Variants in GUCY1A2 observed in about 807,000 individuals in gnomAD.
The protein encoded by GUCY1A2 is guanylate cyclase soluble subunit alpha-2.
GUCY1A2 carries 27 observed loss-of-function variants against 63.5 expected under a neutral mutation model. The ratio of observed to expected loss-of-function variants is 0.43; its 90% CI spans 0.31 to 0.59. GUCY1A2 has a LOEUF of 0.59. Ranked by LOEUF, GUCY1A2 falls within the 20% of genes least tolerant of loss-of-function variation. The pLI, the probability that GUCY1A2 is intolerant of heterozygous loss-of-function variation, is 0.11. For missense variants in GUCY1A2, 768 were observed against 913.3 expected (o/e 0.84, Z 2.05); for synonymous variants, 364 against 343.5 (o/e 1.06, Z -0.66).
In GUCY1A2 at chr11:106,742,327, C is replaced by T. The variant is rs540824502; in HGVS notation, c.1837-33661G>A. Among the ~76,000 whole-genome samples the T allele has an allele frequency of 3.0e-4, 45 of 152,304 alleles. No individual in the cohort carries two copies. The South Asian group carries it at 9.1e-3, about 31-fold the overall frequency. ...TATCTATTAGCTATTCTTCCTGATGCTCTCCCTCATTCCACTCACTACCCA... is the reference window on the plus strand; with the variant it reads ...TATCTATTAGCTATTCTTCCTGATGTTCTCCCTCATTCCACTCACTACCCA... On this transcript the variant is annotated intron_variant, in intron 6 of 7. Transcript: ENST00000526355.
intron 6 of GUCY1A2, among the ~76,000 whole-genome samples, chr11:106,754,646 G>C (rs1195582562): frequency 6.6e-6 from 1 of 152,208 alleles, no homozygotes; most frequent in Non-Finnish European, 1.5e-5. Context: ...CTGTTTTTGT[G>C]ATGGATTACA....
At chr11:106,926,660 T>C (rs1860527250) in intron 4 of GUCY1A2, among the ~76,000 whole-genome samples, 1 of 151,852 alleles carries the variant, frequency 6.6e-6, no homozygotes, top group Non-Finnish European at 1.5e-5. Context: ...ATTTTTTAAA[T>C]TAATTAATTT....
chr11:106,905,609 G>A (rs1443971915), intron 4 of GUCY1A2, among the ~76,000 whole-genome samples: 4 of 152,080 alleles, frequency 2.6e-5, no homozygotes, highest in Non-Finnish European at 5.9e-5. Flanking sequence ...TGACAGAAAA[G>A]AAGCCCAAAT....
intron 4 of GUCY1A2, among the ~76,000 whole-genome samples, chr11:106,916,342 T>C (rs1385304132): frequency 6.2e-5 from 9 of 145,644 alleles, no homozygotes; most frequent in African/African-American, 2.2e-4. Flanking sequence ...TCTATATATG[T>C]AAAACAAATG....
chr11:106,697,385 G>A (rs1433553118), intron 7 of GUCY1A2, among the ~76,000 whole-genome samples: 3 of 152,162 alleles, frequency 2.0e-5, no homozygotes, highest in African/African-American at 7.2e-5. Context: ...GCCCAGTTAA[G>A]ACTGGTTTCA....
At chr11:106,827,784 T>C (rs752731136) in intron 4 of GUCY1A2, 13 of 1,553,430 alleles carry the variant, frequency 8.4e-6, no homozygotes, top group Non-Finnish European at 1.2e-5. Context: ...GAGAATATCT[T>C]CTGATGGAAA....
At chr11:106,716,097 A>G (rs899869828) in intron 6 of GUCY1A2, among the ~76,000 whole-genome samples, 2 of 152,170 alleles carry the variant, frequency 1.3e-5, no homozygotes, top group Non-Finnish European at 2.9e-5. Flanking sequence ...AGTGAAAATA[A>G]TGTTCAAAGA....
intron 6 of GUCY1A2, among the ~76,000 whole-genome samples, chr11:106,744,057 T>A (rs1391987909): frequency 2.0e-5 from 3 of 152,128 alleles, no homozygotes; most frequent in African/African-American, 4.8e-5. Flanking sequence ...ATAACATACA[T>A]CATTATTAAA....
chr11:106,723,314 T>A (rs151272112), intron 6 of GUCY1A2, among the ~76,000 whole-genome samples: 1 of 152,350 alleles, frequency 6.6e-6, no homozygotes, highest in Non-Finnish European at 1.5e-5. Context: ...AAGCCTTTCA[T>A]CAGGAACTTA....
At chr11:106,738,153 T>C (rs942286513) in intron 6 of GUCY1A2, among the ~76,000 whole-genome samples, 3 of 152,242 alleles carry the variant, frequency 2.0e-5, no homozygotes, top group Admixed American at 2.0e-4. Flanking sequence ...CCAGTGATGA[T>C]GAGCTTTTTT....
chr11:106,770,753 ATG>A (rs1309337013), intron 6 of GUCY1A2, among the ~76,000 whole-genome samples: 1 of 151,542 alleles, frequency 6.6e-6, no homozygotes, highest in African/African-American at 2.4e-5. Flanking sequence ...CTGTAATTTA[ATG>A]TGTTACAATA....
At chr11:106,754,495 T>A (rs1427864504) in intron 6 of GUCY1A2, among the ~76,000 whole-genome samples, 1 of 152,212 alleles carries the variant, frequency 6.6e-6, no homozygotes, top group Non-Finnish European at 1.5e-5. Context: ...TGTGGGTCTG[T>A]CATAAATAGC....
chr11:106,899,844 G>C (rs1348532690), intron 4 of GUCY1A2, among the ~76,000 whole-genome samples: 1 of 152,022 alleles, frequency 6.6e-6, no homozygotes, highest in Non-Finnish European at 1.5e-5. Context: ...CAGCACTTTG[G>C]GAGGCCGAGG....
At chr11:106,740,648 C>CTGTATGTATGTATGTATGTATGTA (rs6144494) in intron 6 of GUCY1A2, among the ~76,000 whole-genome samples, 340 of 148,858 alleles carry the variant, frequency 2.3e-3, no homozygotes, top group East Asian at 6.2e-3. Flanking sequence ...GACCATATCA[C>CTGTATGTATGTATGTATGTATGTA]TGTATGTATG....
intron 1 of GUCY1A2, among the ~76,000 whole-genome samples, chr11:107,008,547 A>G (rs1861702993): frequency 6.6e-6 from 1 of 152,228 alleles, no homozygotes; most frequent in South Asian, 2.1e-4. Context: ...CATAAACTAC[A>G]CAAGGACTTA....
intron 4 of GUCY1A2, among the ~76,000 whole-genome samples, chr11:106,902,722 C>T (rs1027373569): frequency 2.0e-5 from 3 of 152,154 alleles, no homozygotes; most frequent in African/African-American, 4.8e-5. Flanking sequence ...TTTTTAAAAA[C>T]CTGTTTCTGT....
chr11:106,807,577 A>T, intron 5 of GUCY1A2, among the ~76,000 whole-genome samples: 1 of 152,182 alleles, frequency 6.6e-6, no homozygotes, highest in Admixed American at 6.6e-5. Flanking sequence ...CCTATCCTAG[A>T]TACATGTACT....
At chr11:106,919,662 T>C (rs1860415768) in intron 4 of GUCY1A2, among the ~76,000 whole-genome samples, 2 of 152,048 alleles carry the variant, frequency 1.3e-5, no homozygotes, top group Admixed American at 1.3e-4. Context: ...AAAATTAAGT[T>C]AGTGATGCTA....
chr11:106,716,266 A>G (rs565136542), intron 6 of GUCY1A2, among the ~76,000 whole-genome samples: 24 of 152,214 alleles, frequency 1.6e-4, no homozygotes, highest in African/African-American at 5.8e-4. Flanking sequence ...TGTTGGCACT[A>G]TTGACATTCT....
Sources: gnomAD v4.1 joint callset for allele counts (sites outside exome capture counted in the v4.1 genomes callset) on GRCh38, gnomAD v4.1.1 for gene constraint, MANE v1.5 for transcripts, NCBI Gene and HGNC (gene_info 2026-07-23, HGNC 2026-07-21) for gene names.